LHFPL3: variants seen among roughly 807,000 people sequenced by gnomAD.
The protein encoded by LHFPL3 is LHFPL tetraspan subfamily member 3 protein.
A neutral mutation model predicts 19.3 loss-of-function variants in LHFPL3; 5 were observed. That is an observed-to-expected ratio of 0.26 (90% CI 0.14 to 0.54). LHFPL3 has a LOEUF of 0.54. LHFPL3 is among the 20% of genes least tolerant of loss of function. LHFPL3 has a pLI of 0.94. For missense variants in LHFPL3, 249 were observed against 307.4 expected (o/e 0.81, Z 1.42); for synonymous variants, 133 against 126.2 (o/e 1.05, Z -0.36).
At chr7:104,698,274 A>G (rs1429087814) in intron 1 of LHFPL3, among the ~76,000 whole-genome samples, 4 of 152,252 alleles carry the variant, frequency 2.6e-5, no homozygotes, top group Non-Finnish European at 5.9e-5. Context: ...ATACCTGATA[A>G]TATCTTACAT....
At chr7:104,886,232 T>A (rs1195642054) in intron 2 of LHFPL3, among the ~76,000 whole-genome samples, 1 of 152,240 alleles carries the variant, frequency 6.6e-6, no homozygotes, top group Non-Finnish European at 1.5e-5. Context: ...TCAATTCATA[T>A]TTGTTGAACG....
At chr7:104,403,041 C>T (rs544361600) in intron 1 of LHFPL3, among the ~76,000 whole-genome samples, 2 of 151,424 alleles carry the variant, frequency 1.3e-5, no homozygotes, top group African/African-American at 4.9e-5. Context: ...GAACATCACA[C>T]ACCGGGGCCT....
At chr7:104,529,104 G>A (rs60907295) in intron 1 of LHFPL3, among the ~76,000 whole-genome samples, 12,942 of 152,152 alleles carry the variant, frequency 0.085, 872 homozygotes, top group East Asian at 0.35. Flanking sequence ...CTTCCTTCCC[G>A]AGAGGCCCAG....
At chr7:104,697,539 G>A (rs1199670616) in intron 1 of LHFPL3, among the ~76,000 whole-genome samples, 2 of 152,100 alleles carry the variant, frequency 1.3e-5, no homozygotes, top group Admixed American at 6.5e-5. Flanking sequence ...TTTTAGAAGC[G>A]CCAGTAGAAC....
intron 2 of LHFPL3, among the ~76,000 whole-genome samples, chr7:104,870,563 G>C (rs1348606349): frequency 6.6e-6 from 1 of 152,210 alleles, no homozygotes; most frequent in African/African-American, 2.4e-5. Context: ...TTAAGTCCAA[G>C]AAAGTTTCAC....
intron 2 of LHFPL3, among the ~76,000 whole-genome samples, chr7:104,842,176 C>T (rs1467754076): frequency 1.3e-5 from 1 of 79,678 alleles, no homozygotes; most frequent in East Asian, 2.3e-4. Context: ...CACACACACA[C>T]AATCCTTTAA....
intron 1 of LHFPL3, among the ~76,000 whole-genome samples, chr7:104,693,806 T>G (rs2116145458): frequency 6.6e-6 from 1 of 150,856 alleles, no homozygotes; most frequent in Non-Finnish European, 1.5e-5. Flanking sequence ...TTTTTTTTTG[T>G]ATTTTTAGTA....
At chr7:104,761,654 A>G (rs1435887277) in intron 2 of LHFPL3, among the ~76,000 whole-genome samples, 1 of 152,220 alleles carries the variant, frequency 6.6e-6, no homozygotes, top group Non-Finnish European at 1.5e-5. Context: ...CGTACAGTTC[A>G]TAAACGCAGG....
At chr7:104,763,566 G>C (rs954243692) in intron 2 of LHFPL3, among the ~76,000 whole-genome samples, 1 of 152,378 alleles carries the variant, frequency 6.6e-6, no homozygotes, top group East Asian at 1.9e-4. Context: ...AAGAGGCAGA[G>C]GCCATGCCCC....
At chr7:104,587,831 A>G (rs1790612898) in intron 1 of LHFPL3, among the ~76,000 whole-genome samples, 1 of 152,108 alleles carries the variant, frequency 6.6e-6, no homozygotes, top group African/African-American at 2.4e-5. Flanking sequence ...GTGAGATGGT[A>G]TCTCATTGTG....
intron 2 of LHFPL3, among the ~76,000 whole-genome samples, chr7:104,815,154 A>G (rs949917380): frequency 1.3e-5 from 2 of 152,046 alleles, no homozygotes; most frequent in Non-Finnish European, 2.9e-5. Context: ...ACAGCTACAG[A>G]GCCACCCAGG....
intron 2 of LHFPL3, among the ~76,000 whole-genome samples, chr7:104,772,890 G>C (rs1282128131): frequency 6.6e-6 from 1 of 152,186 alleles, no homozygotes; most frequent in African/African-American, 2.4e-5. Flanking sequence ...TAACTTTATT[G>C]GGTAATTACC....
At position 104,816,223 on chromosome 7, in the gene LHFPL3, T is replaced by C. The variant is rs563206619; in HGVS notation, c.682+79312T>C. Among the ~76,000 whole-genome samples, 30 of 152,304 alleles carry C rather than the reference T, an allele frequency of 2.0e-4. No homozygotes were observed. In the South Asian group the frequency reaches 6.0e-3, roughly 31 times the overall value. ...AGTAGATTCCAAGCTTTTTCCATAATTAGGCCCACTTGGGGCAAAAAGAAT... is the reference window on the plus strand; with the variant it reads ...AGTAGATTCCAAGCTTTTTCCATAACTAGGCCCACTTGGGGCAAAAAGAAT... On this transcript the variant is annotated intron_variant, in intron 2 of 2. Transcript: ENST00000424859.
intron 2 of LHFPL3, among the ~76,000 whole-genome samples, chr7:104,905,543 G>A (rs1436762802): frequency 6.6e-6 from 1 of 152,014 alleles, no homozygotes; most frequent in Admixed American, 6.6e-5. Context: ...GCAACATGGT[G>A]AAACCCTGTC....
rs541292540 is a variant in LHFPL3 at position 104,547,456 on chromosome 7, C to T, written c.446-189219C>T. 9.2e-5 allele frequency among the ~76,000 whole-genome samples: 14 copies of T among 152,004 alleles called. No homozygotes were observed. The South Asian group carries it at 2.9e-3, about 32-fold the overall frequency. On this transcript the variant is annotated intron_variant, in intron 1 of 2. Transcript: ENST00000424859. ...GGGTTGAAATCTGGGCTTGGGACCA[C>T]GAGAATTATAGAGTATGAGTAATCA...
chr7:104,771,732 A>T (rs532626323), intron 2 of LHFPL3, among the ~76,000 whole-genome samples: 2 of 151,544 alleles, frequency 1.3e-5, no homozygotes, highest in African/African-American at 4.8e-5. Context: ...CAGTGAAAAT[A>T]AGAGACTGTA....
rs374499403 is a variant in LHFPL3 at position 104,735,422 on chromosome 7, G to A, written c.446-1253G>A. ...TACTCAAGCCTTGGCAATGGCGGGC[G>A]CCCCTCTCCCAGCCTAGCTGCCACC... On this transcript the variant is annotated intron_variant, in intron 1 of 2. Transcript: ENST00000424859. 2.6e-4 allele frequency among the ~76,000 whole-genome samples: 40 copies of A among 152,346 alleles called. 1 individual carries two copies. Among genetic ancestry groups the A allele is most frequent in the Middle Eastern group, 6.8e-3 (2 of 294 alleles).
chr7:104,712,728 G>A (rs1793319684), intron 1 of LHFPL3, among the ~76,000 whole-genome samples: 1 of 152,158 alleles, frequency 6.6e-6, no homozygotes, highest in South Asian at 2.1e-4. Context: ...AGACCCATAT[G>A]AGAATTCTGA....
Position 104,575,559 on chromosome 7 carries a change from T to TAAAAAA in LHFPL3, c.446-161094_446-161089dup, listed in dbSNP as rs58118006. On this transcript the variant is annotated intron_variant, in intron 1 of 2. Transcript: ENST00000424859. Reference sequence around the variant, plus strand: ...ACAGCTGATAGTGTCCAAAGAGATCTAAAAAAAAAAAAAAAAAAAAAAAAA... The same window carrying TAAAAAA: ...ACAGCTGATAGTGTCCAAAGAGATCTAAAAAAAAAAAAAAAAAAAAAAAAAAAAAAA... 3.4e-3 allele frequency among the ~76,000 whole-genome samples: 123 copies of TAAAAAA among 36,106 alleles called. 1 individual carries two copies. Among genetic ancestry groups the TAAAAAA allele is most frequent in the African/African-American group, 4.5e-3 (57 of 12,730 alleles). The allele number at this position is 36,106 out of a possible 152,430, so 23.7% of individuals were successfully genotyped here.
Sources: allele counts gnomAD v4.1 joint callset (sites outside exome capture counted in the v4.1 genomes callset), GRCh38; gene constraint gnomAD v4.1.1; transcripts MANE v1.5; gene names NCBI Gene and HGNC (gene_info 2026-07-23, HGNC 2026-07-21).